ARID1B: variants seen among roughly 807,000 people sequenced by gnomAD.
The protein encoded by ARID1B is AT-rich interactive domain-containing protein 1B.
Under a neutral mutation model 212.3 loss-of-function variants are expected in ARID1B, and 30 were observed. The observed-to-expected ratio is 0.14, with a 90% CI of 0.11 to 0.19. The LOEUF (loss-of-function observed/expected upper bound fraction) is 0.19, where lower values mean the gene tolerates loss of function less well. Ranked by LOEUF, ARID1B falls within the 10% of genes least tolerant of loss-of-function variation. The probability of loss-of-function intolerance (pLI) is 1.00; values close to 1 mark genes in which losing one functional copy is unlikely to be tolerated. For missense variants in ARID1B, 2,891 were observed against 3,204.0 expected (o/e 0.90, Z 2.36); for synonymous variants, 1,402 against 1,301.7 (o/e 1.08, Z -1.66).
Position 156,835,219 on chromosome 6 carries a change from G to A in ARID1B, c.1986+5798G>A, listed in dbSNP as rs1266507996. Among the ~76,000 whole-genome samples, 6 of 136,318 alleles carry A rather than the reference G, an allele frequency of 4.4e-5. 1 individual carries two copies. The highest frequency in any genetic ancestry group is 5.7e-5 in the African/African-American group (2 of 35,268). The allele number at this position is 136,318 out of a possible 152,430, so 89.4% of individuals were successfully genotyped here. A position where few individuals can be genotyped will look rare whatever the true frequency, so the allele number is the denominator to read the frequency against. On this transcript the variant is annotated intron_variant, in intron 2 of 19. Transcript: ENST00000636930. ...CTTGCCACTGCACTCCAGCCTGGGT[G>A]ACAGAGGGAGACTCTGTCACAAAAA...
At chr6:157,122,585 A>G (rs1012350641) in intron 6 of ARID1B, among the ~76,000 whole-genome samples, 6 of 152,238 alleles carry the variant, frequency 3.9e-5, no homozygotes, top group African/African-American at 1.4e-4. Flanking sequence ...GGTCGGGCTC[A>G]TACCCTCACA....
intron 6 of ARID1B, among the ~76,000 whole-genome samples, chr6:157,118,529 G>A (rs560503755): frequency 1.6e-4 from 25 of 152,302 alleles, no homozygotes; most frequent in African/African-American, 6.0e-4. Flanking sequence ...TCCCTTCTTT[G>A]TGATGTGTGA....
chr6:157,173,774 T>A, intron 9 of ARID1B: 1 of 421,760 alleles, frequency 2.4e-6, no homozygotes, highest in Middle Eastern at 6.1e-4. Flanking sequence ...TAGGTTTGGG[T>A]CTTAAGCACA....
intron 4 of ARID1B, among the ~76,000 whole-genome samples, chr6:157,048,167 C>G (rs1421557972): frequency 6.6e-6 from 1 of 152,172 alleles, no homozygotes; most frequent in Admixed American, 6.5e-5. Flanking sequence ...TTGAGAATGT[C>G]AACGTGGCTG....
At chr6:156,969,711 A>G (rs186399745) in intron 4 of ARID1B, among the ~76,000 whole-genome samples, 17 of 152,326 alleles carry the variant, frequency 1.1e-4, no homozygotes. Flanking sequence ...GACTTGATTC[A>G]TACGAGCTTT....
chr6:156,792,024 A>G (rs1208403529), intron 1 of ARID1B, among the ~76,000 whole-genome samples: 2 of 152,218 alleles, frequency 1.3e-5, no homozygotes, highest in East Asian at 3.8e-4. Flanking sequence ...CTTTAAAAAA[A>G]AGGAGAGATG....
chr6:157,172,368 ACTT>A (rs1791772097), intron 9 of ARID1B, among the ~76,000 whole-genome samples: 2 of 152,158 alleles, frequency 1.3e-5, no homozygotes, highest in Non-Finnish European at 2.9e-5. Flanking sequence ...CAGCTGCATC[ACTT>A]GAAAAAGCTT....
At chr6:156,907,902 T>TCC (rs1789535851) in intron 3 of ARID1B, among the ~76,000 whole-genome samples, 1 of 134,910 alleles carries the variant, frequency 7.4e-6, no homozygotes, top group African/African-American at 3.0e-5. Context: ...AGCAAGACTG[T>TCC]CTCAAAAAAA....
intron 4 of ARID1B, among the ~76,000 whole-genome samples, chr6:156,945,027 A>C (rs1209033642): frequency 7.0e-6 from 1 of 142,512 alleles, no homozygotes. Context: ...GGTTCCTGCC[A>C]TTCTCCTGCC....
chr6:157,137,586 T>C (rs180985935), intron 7 of ARID1B, among the ~76,000 whole-genome samples: 1 of 152,354 alleles, frequency 6.6e-6, no homozygotes, highest in East Asian at 1.9e-4. Context: ...ACACTGACTA[T>C]CCAGAAATAC....
At chr6:157,114,402 T>C (rs1323412046) in intron 6 of ARID1B, among the ~76,000 whole-genome samples, 2 of 151,826 alleles carry the variant, frequency 1.3e-5, no homozygotes, top group East Asian at 3.9e-4. Flanking sequence ...TGTGTGCCTG[T>C]AGTCCCAGCT....
At chr6:157,149,030 T>C (rs1562304609) in intron 8 of ARID1B, 79 bp downstream of exon 8, 2 of 1,417,018 alleles carry the variant, frequency 1.4e-6, no homozygotes, top group Non-Finnish European at 1.9e-6. Context: ...CATAGCTGCA[T>C]TGTTCCCTGG....
chr6:156,907,207 C>T (rs1311491365), intron 3 of ARID1B, among the ~76,000 whole-genome samples: 1 of 152,064 alleles, frequency 6.6e-6, no homozygotes, highest in Non-Finnish European at 1.5e-5. Flanking sequence ...AATGTTTCCC[C>T]TTTCTTTTCT....
intron 4 of ARID1B, among the ~76,000 whole-genome samples, chr6:157,039,318 A>ATTTTTTTTTTT (rs1215591720): frequency 7.2e-4 from 81 of 112,768 alleles, no homozygotes; most frequent in Middle Eastern, 4.8e-3. Context: ...GAAATTTGAC[A>ATTTTTTTTTTT]TTTCTTTTTT....
chr6:156,909,730 T>G (rs1374191705), intron 3 of ARID1B, among the ~76,000 whole-genome samples: 1 of 152,198 alleles, frequency 6.6e-6, no homozygotes, highest in Non-Finnish European at 1.5e-5. Flanking sequence ...AACTTGCTCA[T>G]CTGTTTCCTG....
intron 4 of ARID1B, among the ~76,000 whole-genome samples, chr6:156,961,067 T>G (rs561763253): frequency 6.6e-6 from 1 of 152,292 alleles, no homozygotes; most frequent in East Asian, 1.9e-4. Flanking sequence ...AATCACCCTC[T>G]TGGGAAACAA....
At chr6:156,897,508 A>G (rs1788577780) in intron 2 of ARID1B, among the ~76,000 whole-genome samples, 1 of 151,770 alleles carries the variant, frequency 6.6e-6, no homozygotes, top group Admixed American at 6.6e-5. Flanking sequence ...TCCTGACCTC[A>G]GTTGATCTGC....
chr6:156,850,136 C>T (rs919776156), intron 2 of ARID1B, among the ~76,000 whole-genome samples: 2 of 151,196 alleles, frequency 1.3e-5, no homozygotes, highest in South Asian at 4.2e-4. Context: ...AGAACTGGAC[C>T]AATTGACAGG....
chr6:156,938,090 G>T (rs1325126630), intron 4 of ARID1B: 2 of 151,486 alleles, frequency 1.3e-5, no homozygotes, highest in Non-Finnish European at 1.5e-5. Context: ...ATGAAATTTG[G>T]CTGTAGTTAA....
Sources: allele counts gnomAD v4.1 joint callset (sites outside exome capture counted in the v4.1 genomes callset), GRCh38; gene constraint gnomAD v4.1.1; transcripts MANE v1.5; gene names NCBI Gene and HGNC (gene_info 2026-07-23, HGNC 2026-07-21).